PTPRT: variants seen among roughly 807,000 people sequenced by gnomAD.
The protein encoded by PTPRT is protein tyrosine phosphatase receptor type T, also known as receptor-type tyrosine-protein phosphatase T.
Under a neutral mutation model 176.8 loss-of-function variants are expected in PTPRT, and 56 were observed. The ratio of observed to expected loss-of-function variants is 0.32; its 90% CI spans 0.26 to 0.40. PTPRT has a LOEUF of 0.40. Among genes scored for constraint, PTPRT ranks in the 10% least tolerant of loss-of-function variants. The pLI, the probability that PTPRT is intolerant of heterozygous loss-of-function variation, is 1.00. For missense variants in PTPRT, 1,540 were observed against 1,908.2 expected (o/e 0.81, Z 3.60); for synonymous variants, 783 against 739.0 (o/e 1.06, Z -0.96).
chr20:42,589,629 C>T (rs2073533782), intron 7 of PTPRT, among the ~76,000 whole-genome samples: 1 of 152,088 alleles, frequency 6.6e-6, no homozygotes, highest in South Asian at 2.1e-4. Context: ...TGGCTGCACA[C>T]ATCCCCCTTC....
rs377290956 is a variant in PTPRT at position 42,935,069 on chromosome 20, T to C, written c.89-49137A>G. Among the ~76,000 whole-genome samples, 114 of 140,522 alleles carry C rather than the reference T, an allele frequency of 8.1e-4. No homozygotes were observed. The East Asian group carries it at 0.02, about 25-fold the overall frequency. 92.2% of individuals were successfully genotyped at this position (140,522 alleles called of 152,430 possible). ...TCCAGCCTGGGCAACAGAGCAAGAC[T>C]TCATCTCAAAAAAAAAAAAAAAAGC... On this transcript the variant is annotated intron_variant, in intron 1 of 30. Coordinates refer to ENST00000373187, the MANE Select transcript of PTPRT (RefSeq NM_007050.6).
intron 13 of PTPRT, among the ~76,000 whole-genome samples, chr20:42,274,959 G>T (rs2057004411): frequency 6.6e-6 from 1 of 152,140 alleles, no homozygotes; most frequent in Non-Finnish European, 1.5e-5. Context: ...AGTGGTCAAT[G>T]AATCTCATCT....
At chr20:42,325,473 C>A (rs1391881809) in intron 11 of PTPRT, among the ~76,000 whole-genome samples, 1 of 152,178 alleles carries the variant, frequency 6.6e-6, no homozygotes, top group Non-Finnish European at 1.5e-5. Flanking sequence ...TTCCCTCAAT[C>A]ATGGCTCTTC....
chr20:42,427,042 C>G (rs2059171229), intron 9 of PTPRT, among the ~76,000 whole-genome samples: 1 of 152,128 alleles, frequency 6.6e-6, no homozygotes, highest in Non-Finnish European at 1.5e-5. Flanking sequence ...ATTTCCTGGC[C>G]CCACCCCTGA....
In PTPRT at chr20:42,969,195, AG is replaced by A. The variant is rs1374902171; in HGVS notation, c.89-83264del. On this transcript the variant is annotated intron_variant, in intron 1 of 30. Transcript: ENST00000373187. ...TCACCTCATTTTATAGCCATAAAAA[AG>A]AAAAGATTCAGCAGAAAGGATGAAT... is the stretch of plus-strand genomic sequence containing the variant. 1.8e-4 allele frequency: 27 copies of A among 152,346 alleles called. 1 individual carries two copies. The highest frequency in any genetic ancestry group is 6.3e-4 in the African/African-American group (26 of 41,586). 9.4% of individuals were successfully genotyped at this position (152,346 alleles called of 1,614,324 possible).
intron 7 of PTPRT, among the ~76,000 whole-genome samples, chr20:42,474,688 G>A (rs1427034124): frequency 2.0e-5 from 3 of 152,172 alleles, no homozygotes; most frequent in Non-Finnish European, 4.4e-5. Context: ...TACGGCTGCT[G>A]GCTAAACATC....
chr20:42,865,489 C>T (rs1366883774), intron 2 of PTPRT, among the ~76,000 whole-genome samples: 1 of 152,184 alleles, frequency 6.6e-6, no homozygotes, highest in Non-Finnish European at 1.5e-5. Context: ...GAGCTGAGGA[C>T]ACATAGCTGT....
chr20:42,050,246 T>C, the PTPRT span, among the ~76,000 whole-genome samples: 1 of 152,196 alleles, frequency 6.6e-6, no homozygotes, highest in Admixed American at 6.5e-5. Context: ...AACTATTTCC[T>C]GGGATCCTTC....
intron 7 of PTPRT, among the ~76,000 whole-genome samples, chr20:42,483,314 C>T (rs73273317): frequency 0.037 from 5,573 of 152,184 alleles, 272 homozygotes; most frequent in African/African-American, 0.11. Flanking sequence ...TACAGGCATG[C>T]CACCACGCTC....
At chr20:42,789,886 A>G (rs1189742196) in intron 3 of PTPRT, among the ~76,000 whole-genome samples, 1 of 152,202 alleles carries the variant, frequency 6.6e-6, no homozygotes, top group Non-Finnish European at 1.5e-5. Context: ...AGATACATGT[A>G]TTCCTAACAC....
intron 21 of PTPRT, among the ~76,000 whole-genome samples, chr20:42,116,888 A>G (rs1427180759): frequency 1.3e-5 from 2 of 152,158 alleles, no homozygotes; most frequent in Non-Finnish European, 2.9e-5. Context: ...TCTGTTTCCA[A>G]TGGGGGATAT....
At chr20:42,966,000 G>A (rs1600602476) in intron 1 of PTPRT, among the ~76,000 whole-genome samples, 1 of 152,224 alleles carries the variant, frequency 6.6e-6, no homozygotes, top group Non-Finnish European at 1.5e-5. Flanking sequence ...GAAGACAGAA[G>A]CTATGGTCTC....
intron 1 of PTPRT, among the ~76,000 whole-genome samples, chr20:42,921,743 A>C (rs1334874562): frequency 6.6e-6 from 1 of 152,094 alleles, no homozygotes; most frequent in Non-Finnish European, 1.5e-5. Context: ...CTGCACCTTC[A>C]CTCACTCCAA....
At chr20:42,053,547 GGA>G in the PTPRT span, among the ~76,000 whole-genome samples, 2 of 152,314 alleles carry the variant, frequency 1.3e-5, no homozygotes, top group African/African-American at 2.4e-5. Context: ...ATTTAGCTCA[GGA>G]GATGCTGGCC....
chr20:42,375,562 C>G (rs552005286), intron 9 of PTPRT, among the ~76,000 whole-genome samples: 1 of 152,162 alleles, frequency 6.6e-6, no homozygotes, highest in Non-Finnish European at 1.5e-5. Flanking sequence ...AACCTGCCCC[C>G]CTGGATCCGG....
rs539765420 is a variant in PTPRT at position 42,227,445 on chromosome 20, T to A, written c.2342+8784A>T. Among the ~76,000 whole-genome samples, 25 of 152,208 alleles carry A rather than the reference T, an allele frequency of 1.6e-4. No individual in the cohort carries two copies. In the East Asian group the frequency reaches 4.7e-3, roughly 28 times the overall value. On this transcript the variant is annotated intron_variant, in intron 15 of 30. Transcript: ENST00000373187. ...TGGGTTTCCCTCCCCTGAAATGCAC[T>A]CTTCATTGCCTATGAACACTTTGCC...
At chr20:42,306,845 G>A (rs1437298030) in intron 12 of PTPRT, among the ~76,000 whole-genome samples, 1 of 152,146 alleles carries the variant, frequency 6.6e-6, no homozygotes, top group African/African-American at 2.4e-5. Context: ...CCTTCAGTGT[G>A]AAGTAACTGA....
the PTPRT span, among the ~76,000 whole-genome samples, chr20:42,039,872 A>G: frequency 7.9e-5 from 12 of 151,810 alleles, no homozygotes; most frequent in South Asian, 1.7e-3. Flanking sequence ...TATCTTGGCT[A>G]TTGTAAATAG....
At position 42,903,670 on chromosome 20, in the gene PTPRT, G is replaced by C. The variant is rs146809563; in HGVS notation, c.89-17738C>G. ...GGACTCCGTGTACCTTGGCCGTTAA[G>C]TGTGCATTAATTGTAGGATGGAAGG... On this transcript the variant is annotated intron_variant, in intron 1 of 30. Transcript: ENST00000373187. Among the ~76,000 whole-genome samples the C allele has an allele frequency of 2.5e-3, 384 of 152,326 alleles. 1 individual carries two copies. The highest frequency in any genetic ancestry group is 8.8e-3 in the African/African-American group (364 of 41,572).
Sources: allele counts gnomAD v4.1 joint callset (sites outside exome capture counted in the v4.1 genomes callset), GRCh38; gene constraint gnomAD v4.1.1; transcripts MANE v1.5; gene names NCBI Gene and HGNC (gene_info 2026-07-23, HGNC 2026-07-21).